The following HDAC8 variants were observed in gnomAD, a reference collection of about 807,000 sequenced individuals.
HDAC8 encodes the protein histone deacetylase-like 1.
Under a neutral mutation model 32.2 loss-of-function variants are expected in HDAC8, and 1 was observed. That is an observed-to-expected ratio of 0.03 (90% confidence interval 0.01 to 0.15). The LOEUF is 0.15. HDAC8 is among the 10% of genes least tolerant of loss of function. The pLI is 1.00. For missense variants in HDAC8, 117 were observed against 300.0 expected, an observed-to-expected ratio of 0.39 and a Z score of 4.51; for synonymous variants, 108 against 113.9, an observed-to-expected ratio of 0.95 and a Z score of 0.33.
chrX:72,434,511 A>G, intron 9 of HDAC8, among the ~76,000 whole-genome samples: 1 of 111,368 alleles, frequency 9.0e-6, no homozygotes, highest in Non-Finnish European at 1.9e-5. Context: ...CTTCATTCAT[A>G]TATGATAATA....
Position 72,329,797 on chromosome X carries a change from T to G in HDAC8, c.*257A>C, listed in dbSNP as rs1160198346. On this transcript the variant is annotated 3_prime_UTR_variant, in exon 11 of 11. Transcript: ENST00000373573. ...TCAAAGATTAAAAATTTCATTTGTG[T>G]GTGTGTGTTTTTTTAAATAAGAACT... 1 of 1,086,591 alleles carries G rather than the reference T, an allele frequency of 9.2e-7. No individual in the cohort carries two copies. Among genetic ancestry groups the G allele is most frequent in the Admixed American group, 2.7e-5 (1 of 37,235 alleles). 89.5% of individuals were successfully genotyped at this position (1,086,591 alleles called of 1,213,427 possible). A position where few individuals can be genotyped will look rare whatever the true frequency, so the allele number is the denominator to read the frequency against.
intron 9 of HDAC8, among the ~76,000 whole-genome samples, chrX:72,428,282 C>T (rs1012002398): frequency 8.9e-6 from 1 of 111,804 alleles, no homozygotes; most frequent in Non-Finnish European, 1.9e-5. Context: ...TCAGTAGAGA[C>T]GGGGTTTCAC....
At chrX:72,410,900 T>C (rs2046172746) in intron 9 of HDAC8, among the ~76,000 whole-genome samples, 1 of 111,742 alleles carries the variant, frequency 8.9e-6, no homozygotes, top group African/African-American at 3.3e-5. Flanking sequence ...GGCTCCCACA[T>C]GATGAGGCTC....
At chrX:72,458,097 T>C (rs1231116229) in intron 9 of HDAC8, among the ~76,000 whole-genome samples, 2 of 112,202 alleles carry the variant, frequency 1.8e-5, no homozygotes, top group Admixed American at 9.4e-5. Context: ...TAATAATCCA[T>C]GTGATTGTGC....
intron 10 of HDAC8, among the ~76,000 whole-genome samples, chrX:72,338,356 T>C (rs2043775102): frequency 9.0e-6 from 1 of 110,610 alleles, no homozygotes; most frequent in African/African-American, 3.3e-5. Context: ...TAAAGCTTGG[T>C]CATTGCTCTT....
At chrX:72,419,259 A>T in intron 9 of HDAC8, among the ~76,000 whole-genome samples, 1 of 111,592 alleles carries the variant, frequency 9.0e-6, no homozygotes, top group Non-Finnish European at 1.9e-5. Context: ...TGAACATGAG[A>T]TGTCTTTCCA....
intron 4 of HDAC8, among the ~76,000 whole-genome samples, chrX:72,567,274 T>TC (rs1556136482): frequency 8.9e-6 from 1 of 112,366 alleles, no homozygotes; most frequent in Non-Finnish European, 1.9e-5. Context: ...GTTGCTACTT[T>TC]CATTAGAGGA....
intron 7 of HDAC8, among the ~76,000 whole-genome samples, chrX:72,472,489 G>A (rs1358097502): frequency 8.9e-6 from 1 of 111,907 alleles, no homozygotes; most frequent in African/African-American, 3.2e-5. Flanking sequence ...CTATAATTGT[G>A]GGGGTTAATT....
chrX:72,357,936 G>A (rs1307911181), intron 9 of HDAC8, among the ~76,000 whole-genome samples: 26 of 109,230 alleles, frequency 2.4e-4, no homozygotes, highest in Non-Finnish European at 1.7e-4. Flanking sequence ...ACGGAGTCTC[G>A]CTCTTTTGCC....
chrX:72,540,688 A>G (rs782197734), intron 4 of HDAC8, among the ~76,000 whole-genome samples: 2 of 111,882 alleles, frequency 1.8e-5, no homozygotes, highest in African/African-American at 6.5e-5. Context: ...ATAATTTGAT[A>G]TCTGTCAAGA....
chrX:72,352,239 C>T (rs1216138439), intron 9 of HDAC8, among the ~76,000 whole-genome samples: 1 of 111,029 alleles, frequency 9.0e-6, no homozygotes, highest in Non-Finnish European at 1.9e-5. Flanking sequence ...TCCCCCAGTC[C>T]CCACTGCCTG....
At chrX:72,437,251 C>T (rs1555979571) in intron 9 of HDAC8, among the ~76,000 whole-genome samples, 2 of 111,775 alleles carry the variant, frequency 1.8e-5, no homozygotes, top group African/African-American at 6.5e-5. Context: ...GGAACTCCCT[C>T]TCCTAGCCAA....
chrX:72,441,919 G>A (rs1555982071), intron 9 of HDAC8, among the ~76,000 whole-genome samples: 1 of 111,708 alleles, frequency 9.0e-6, no homozygotes, highest in Non-Finnish European at 1.9e-5. Context: ...GCGATCAACT[G>A]GAAGAAAGGG....
chrX:72,446,832 A>C (rs2047417989), intron 9 of HDAC8, among the ~76,000 whole-genome samples: 2 of 111,894 alleles, frequency 1.8e-5, no homozygotes, highest in South Asian at 7.4e-4. Flanking sequence ...AAATTAGAAA[A>C]TCTAGAAAAA....
At chrX:72,480,931 C>T (rs2048477681) in intron 7 of HDAC8, among the ~76,000 whole-genome samples, 1 of 110,145 alleles carries the variant, frequency 9.1e-6, no homozygotes, top group African/African-American at 3.3e-5. Flanking sequence ...GAGGGAGAGC[C>T]TTAGGACAAA....
intron 9 of HDAC8, among the ~76,000 whole-genome samples, chrX:72,393,310 G>A (rs1406279305): frequency 8.1e-5 from 9 of 111,202 alleles, no homozygotes; most frequent in African/African-American, 2.9e-4. Context: ...CAGAACAGTG[G>A]GTGAAAAGTT....
intron 7 of HDAC8, chrX:72,473,968 C>T (rs2048257826): frequency 1.5e-6 from 1 of 654,889 alleles, no homozygotes; most frequent in Admixed American, 8.8e-5. Flanking sequence ...TCCAGCCAAA[C>T]TAAAACCACT....
At chrX:72,398,320 T>C (rs6625994) in intron 9 of HDAC8, among the ~76,000 whole-genome samples, 2,395 of 110,795 alleles carry the variant, frequency 0.022, 77 homozygotes, top group African/African-American at 0.075. Context: ...TTCTGGATTA[T>C]CTTTTTTTTT....
chrX:72,394,797 T>C (rs782184363), intron 9 of HDAC8, among the ~76,000 whole-genome samples: 1 of 112,476 alleles, frequency 8.9e-6, no homozygotes, highest in East Asian at 2.8e-4. Flanking sequence ...AGAATTCCTC[T>C]GCCAGCTGAG....
Sources: allele counts gnomAD v4.1 joint callset (sites outside exome capture counted in the v4.1 genomes callset), GRCh38; gene constraint gnomAD v4.1.1; transcripts MANE v1.5; gene names NCBI Gene and HGNC (gene_info 2026-07-23, HGNC 2026-07-21).